Variants in FNDC3B observed in about 807,000 individuals in gnomAD.
FNDC3B encodes the protein fibronectin type III domain-containing protein 3B.
In FNDC3B, 12 loss-of-function variants were observed where a neutral mutation model predicts 151.5. That is an observed-to-expected ratio of 0.08 (90% CI 0.05 to 0.13). The LOEUF is 0.13. Ranked by LOEUF, FNDC3B falls within the 10% of genes least tolerant of loss-of-function variation. The pLI, the probability that FNDC3B is intolerant of heterozygous loss-of-function variation, is 1.00. For synonymous variants in FNDC3B, 528 were observed against 549.0 expected (o/e 0.96, Z 0.54); for missense variants, 1,214 against 1,505.3 (o/e 0.81, Z 3.20).
intron 1 of FNDC3B, among the ~76,000 whole-genome samples, chr3:172,111,107 A>G (rs545732763): frequency 6.6e-6 from 1 of 151,862 alleles, no homozygotes. Context: ...AAAAAAAAAA[A>G]AAAAAAAAAA....
At chr3:172,158,590 C>T (rs1183599369) in intron 3 of FNDC3B, among the ~76,000 whole-genome samples, 1 of 151,934 alleles carries the variant, frequency 6.6e-6, no homozygotes, top group Non-Finnish European at 1.5e-5. Flanking sequence ...TTTGCAAATA[C>T]TTTCTTGTCT....
intron 9 of FNDC3B, chr3:172,307,126 G>T: frequency 4.1e-6 from 2 of 486,550 alleles, no homozygotes; most frequent in South Asian, 5.6e-5. Flanking sequence ...AGTAGATCCT[G>T]CCTATCTTGA....
At chr3:172,229,863 A>T (rs1726795994) in intron 4 of FNDC3B, among the ~76,000 whole-genome samples, 1 of 152,234 alleles carries the variant, frequency 6.6e-6, no homozygotes, top group Non-Finnish European at 1.5e-5. Context: ...AAATGTTCTG[A>T]ATGTGTATTT....
At chr3:172,322,497 G>A (rs749606146) in intron 11 of FNDC3B, among the ~76,000 whole-genome samples, 5 of 152,200 alleles carry the variant, frequency 3.3e-5, no homozygotes, top group Admixed American at 6.5e-5. Context: ...TCAATGGATA[G>A]GGAATCACAG....
chr3:172,369,585 G>C (rs545246245), intron 23 of FNDC3B, among the ~76,000 whole-genome samples: 3 of 152,008 alleles, frequency 2.0e-5, no homozygotes. Context: ...TAATGAAACA[G>C]TATTACAACC....
intron 21 of FNDC3B, among the ~76,000 whole-genome samples, chr3:172,349,905 C>T (rs2108320593): frequency 6.6e-6 from 1 of 152,292 alleles, no homozygotes; most frequent in Admixed American, 6.5e-5. Context: ...ATCCACCCGC[C>T]TCAGCCTCGC....
At chr3:172,229,127 ACACACACAC>A (rs1560028761) in intron 4 of FNDC3B, among the ~76,000 whole-genome samples, 3,718 of 148,958 alleles carry the variant, frequency 0.025, 123 homozygotes, top group African/African-American at 0.073. Flanking sequence ...ACACACACAC[ACACACACAC>A]AATCTCCTGC....
intron 3 of FNDC3B, among the ~76,000 whole-genome samples, chr3:172,160,416 G>C (rs1409267649): frequency 6.6e-6 from 1 of 152,184 alleles, no homozygotes; most frequent in Non-Finnish European, 1.5e-5. Flanking sequence ...ACTAGGACTG[G>C]TCCCTGCTGT....
intron 4 of FNDC3B, among the ~76,000 whole-genome samples, chr3:172,236,145 T>C (rs908039785): frequency 6.6e-6 from 1 of 152,268 alleles, no homozygotes; most frequent in Non-Finnish European, 1.5e-5. Flanking sequence ...CGATTGAAAC[T>C]CTTGGGATGG....
intron 6 of FNDC3B, among the ~76,000 whole-genome samples, chr3:172,267,909 G>A (rs577263958): frequency 8.7e-4 from 132 of 152,350 alleles, no homozygotes; most frequent in Middle Eastern, 3.4e-3. Flanking sequence ...TCTGATGGCT[G>A]TCATGTAGGC....
At chr3:172,134,847 A>G (rs1192072324) in intron 3 of FNDC3B, among the ~76,000 whole-genome samples, 1 of 152,156 alleles carries the variant, frequency 6.6e-6, no homozygotes, top group African/African-American at 2.4e-5. Flanking sequence ...GTCGATGCAC[A>G]ATATGGGGAA....
intron 23 of FNDC3B, among the ~76,000 whole-genome samples, chr3:172,364,956 T>A (rs1480064154): frequency 6.6e-6 from 1 of 152,218 alleles, no homozygotes; most frequent in Non-Finnish European, 1.5e-5. Context: ...TAGAGCATAA[T>A]AAATTCTCAT....
chr3:172,150,395 G>A (rs957670614), intron 3 of FNDC3B, among the ~76,000 whole-genome samples: 3 of 151,870 alleles, frequency 2.0e-5, no homozygotes, highest in African/African-American at 7.3e-5. Context: ...TTTCATTTTA[G>A]GTGTACTGCC....
chr3:172,228,249 G>A (rs904398264), intron 4 of FNDC3B, among the ~76,000 whole-genome samples: 1 of 152,162 alleles, frequency 6.6e-6, no homozygotes, highest in Non-Finnish European at 1.5e-5. Flanking sequence ...ACCAGATGAT[G>A]GATCACATTC....
chr3:172,354,112 A>T (rs1393545621), intron 22 of FNDC3B, among the ~76,000 whole-genome samples: 1 of 152,180 alleles, frequency 6.6e-6, no homozygotes, highest in Non-Finnish European at 1.5e-5. Context: ...ATAGGCTACC[A>T]AATGAAGGAA....
intron 1 of FNDC3B, among the ~76,000 whole-genome samples, chr3:172,080,103 A>G (rs1374022481): frequency 6.6e-6 from 1 of 152,214 alleles, no homozygotes; most frequent in Non-Finnish European, 1.5e-5. Flanking sequence ...TACCTGAATT[A>G]TAAAAAAAAA....
intron 6 of FNDC3B, among the ~76,000 whole-genome samples, chr3:172,264,985 A>C (rs1728849435): frequency 6.6e-6 from 1 of 152,114 alleles, no homozygotes; most frequent in African/African-American, 2.4e-5. Context: ...GAGGTAAACA[A>C]CCTCGATAAG....
intron 24 of FNDC3B, among the ~76,000 whole-genome samples, chr3:172,380,717 A>C: frequency 6.6e-6 from 1 of 152,280 alleles, no homozygotes; most frequent in East Asian, 1.9e-4. Context: ...TGTGATCCAC[A>C]TCAAGCTGTT....
At chr3:172,189,802 A>T (rs1348813862) in intron 3 of FNDC3B, among the ~76,000 whole-genome samples, 6 of 9,066 alleles carry the variant, frequency 6.6e-4, no homozygotes, top group Non-Finnish European at 1.1e-3. Flanking sequence ...CCTTGTCTAA[A>T]AAAAAAAAAA....
Sources: allele counts gnomAD v4.1 joint callset (sites outside exome capture counted in the v4.1 genomes callset), GRCh38; gene constraint gnomAD v4.1.1; transcripts MANE v1.5; gene names NCBI Gene and HGNC (gene_info 2026-07-23, HGNC 2026-07-21).